The following PPP1R16B variants were observed in gnomAD, a reference collection of about 807,000 sequenced individuals.
PPP1R16B encodes the protein protein phosphatase 1 regulatory inhibitor subunit 16B.
In PPP1R16B, 14 loss-of-function variants were observed where a neutral mutation model predicts 61.7. That is an observed-to-expected ratio of 0.23 (90% CI 0.15 to 0.35). The LOEUF is 0.35. Among genes scored for constraint, PPP1R16B ranks in the 10% least tolerant of loss-of-function variants. The pLI is 1.00. For synonymous variants in PPP1R16B, 266 were observed against 305.3 expected (o/e 0.87, Z 1.34); for missense variants, 547 against 752.5 (o/e 0.73, Z 3.19).
chr20:38,830,102 G>A (rs2084828015), intron 1 of PPP1R16B, among the ~76,000 whole-genome samples: 1 of 152,198 alleles, frequency 6.6e-6, no homozygotes, highest in Non-Finnish European at 1.5e-5. Context: ...GCCACCCTGG[G>A]GCCCATGGAG....
At chr20:38,879,495 G>A (rs1431443368) in intron 2 of PPP1R16B, among the ~76,000 whole-genome samples, 2 of 152,144 alleles carry the variant, frequency 1.3e-5, no homozygotes, top group Non-Finnish European at 2.9e-5. Context: ...AAGATTAACT[G>A]CAGGCCTACT....
chr20:38,866,421 T>A (rs2085091014), intron 2 of PPP1R16B, among the ~76,000 whole-genome samples: 1 of 152,174 alleles, frequency 6.6e-6, no homozygotes, highest in African/African-American at 2.4e-5. Flanking sequence ...TCCTTTGCAA[T>A]GTGGATGACA....
chr20:38,910,491 A>G (rs1425869216), intron 10 of PPP1R16B, among the ~76,000 whole-genome samples: 2 of 149,772 alleles, frequency 1.3e-5, no homozygotes, highest in East Asian at 2.0e-4. Context: ...CTTTTTTTAC[A>G]TCTGTGAGAG....
intron 1 of PPP1R16B, among the ~76,000 whole-genome samples, chr20:38,813,279 A>G (rs988255383): frequency 3.9e-5 from 6 of 152,230 alleles, no homozygotes; most frequent in Non-Finnish European, 7.3e-5. Flanking sequence ...GAGTACTTTC[A>G]AAAACATGTA....
intron 2 of PPP1R16B, among the ~76,000 whole-genome samples, chr20:38,868,936 G>T (rs1568667822): frequency 6.6e-6 from 1 of 152,074 alleles, no homozygotes; most frequent in Non-Finnish European, 1.5e-5. Context: ...TTTTTTAAAT[G>T]TTGTTAACAA....
chr20:38,830,197 T>A (rs1007080088), intron 1 of PPP1R16B, among the ~76,000 whole-genome samples: 1 of 152,254 alleles, frequency 6.6e-6, no homozygotes, highest in African/African-American at 2.4e-5. Context: ...CTCCCATGTG[T>A]CTGTGCCATC....
chr20:38,823,488 A>C (rs2084785384), intron 1 of PPP1R16B, among the ~76,000 whole-genome samples: 1 of 152,142 alleles, frequency 6.6e-6, no homozygotes, highest in African/African-American at 2.4e-5. Flanking sequence ...TAAAAATACA[A>C]AAATTAGCTG....
intron 2 of PPP1R16B, among the ~76,000 whole-genome samples, chr20:38,884,470 A>G (rs556464676): frequency 6.6e-6 from 1 of 152,326 alleles, no homozygotes; most frequent in South Asian, 2.1e-4. Context: ...TACCTACTCA[A>G]TTCTGCTGTT....
chr20:38,907,986 G>A lies in PPP1R16B; in HGVS notation c.1029-42G>A, dbSNP rs1472916207. On this transcript the variant is annotated intron_variant, in intron 9 of 10. Transcript: ENST00000299824. This position sits in a 1 kb window ranked among gnomAD's most constrained non-coding sequence, Gnocchi z 4.5. ...AGTCCCTGTGTGTGCTCCTGCCTGT[G>A]GTGCCTGGGTGCAGCCTCTAGGACC... The A allele has an allele frequency of 1.9e-6, 3 of 1,613,844 alleles. No individual in the cohort carries two copies. The African/African-American group carries it at 4.0e-5, about 22-fold the overall frequency.
chr20:38,888,912 C>T (rs1019715451), intron 2 of PPP1R16B, among the ~76,000 whole-genome samples: 4 of 151,532 alleles, frequency 2.6e-5, no homozygotes, highest in African/African-American at 9.7e-5. Context: ...CACACACACA[C>T]ACACACACAC....
chr20:38,844,066 A>G lies in PPP1R16B; in HGVS notation c.250+7891A>G, dbSNP rs187951309. On this transcript the variant is annotated intron_variant, in intron 2 of 10. Coordinates refer to ENST00000299824, the MANE Select transcript of PPP1R16B (RefSeq NM_015568.4). Reference sequence around the variant, plus strand: ...ATCTGAAGCCATATCAATTTACATCAAAATCCATTGGTCTGTCTGGCATTT... The same window carrying G: ...ATCTGAAGCCATATCAATTTACATCGAAATCCATTGGTCTGTCTGGCATTT... Among the ~76,000 whole-genome samples the G allele has an allele frequency of 2.6e-5, 4 of 152,348 alleles. No individual in the cohort carries two copies. In the East Asian group the frequency reaches 7.7e-4, roughly 29 times the overall value.
chr20:38,805,803 C>T lies in PPP1R16B; in HGVS notation c.-102+11C>T, dbSNP rs1042764893. On this transcript the variant is annotated intron_variant, in intron 1 of 10. Transcript: ENST00000299824. ...GGCTCGGGAGAGCGGGTGAGTTCCC[C>T]GGCGGCGCCACCACCCTCCTTGCGC... 3 of 152,292 alleles carry T rather than the reference C, an allele frequency of 2.0e-5. No individual in the cohort carries two copies. The highest frequency in any genetic ancestry group is 2.0e-4 in the Admixed American group (3 of 15,288). 9.4% of individuals were successfully genotyped at this position (152,292 alleles called of 1,614,324 possible).
intron 2 of PPP1R16B, among the ~76,000 whole-genome samples, chr20:38,875,177 C>T (rs1331719346): frequency 3.9e-5 from 6 of 152,172 alleles, no homozygotes; most frequent in Admixed American, 1.3e-4. Flanking sequence ...GCAAATGGCT[C>T]CCAAGTCCCA....
At chr20:38,851,079 T>C (rs1254125951) in intron 2 of PPP1R16B, among the ~76,000 whole-genome samples, 2 of 152,006 alleles carry the variant, frequency 1.3e-5, no homozygotes, top group Non-Finnish European at 2.9e-5. Context: ...TGGGAATAGT[T>C]GTGCAACTGA....
At chr20:38,906,222 C>T in intron 7 of PPP1R16B, 128 bp downstream of exon 7, 1 of 827,848 alleles carries the variant, frequency 1.2e-6, no homozygotes, top group Non-Finnish European at 1.6e-6. Flanking sequence ...GAATATAGCT[C>T]ATATGTGGGA....
At chr20:38,902,880 G>A (rs1303431618) in intron 6 of PPP1R16B, 88 bp downstream of exon 6, 5 of 1,576,808 alleles carry the variant, frequency 3.2e-6, no homozygotes, top group Non-Finnish European at 3.5e-6. Context: ...TACCCTTGGG[G>A]CCTGTCTGTG....
In PPP1R16B at chr20:38,864,899, C is replaced by G. The variant is rs536678298; in HGVS notation, c.251-24696C>G. 7.2e-5 allele frequency among the ~76,000 whole-genome samples: 11 copies of G among 152,298 alleles called. No individual in the cohort carries two copies. In the East Asian group the frequency reaches 2.1e-3, roughly 29 times the overall value. ...CTCCTGGAGCTGGAGCTGCAGAAAT[C>G]GATTTGCAGACTGCCGGTTTCCACT... On this transcript the variant is annotated intron_variant, in intron 2 of 10. Transcript: ENST00000299824.
chr20:38,897,288 C>T (rs549208478), intron 4 of PPP1R16B, among the ~76,000 whole-genome samples: 1 of 152,322 alleles, frequency 6.6e-6, no homozygotes, highest in East Asian at 1.9e-4. Context: ...GATTGTACCA[C>T]TGCAATCCAC....
At chr20:38,834,157 C>A (rs141658661) in intron 1 of PPP1R16B, among the ~76,000 whole-genome samples, 190 of 152,310 alleles carry the variant, frequency 1.2e-3, no homozygotes, top group Non-Finnish European at 1.7e-3. Context: ...ATGTTTAGGG[C>A]CAGCTCTTTT....
Sources: allele counts gnomAD v4.1 joint callset (sites outside exome capture counted in the v4.1 genomes callset), GRCh38; gene constraint gnomAD v4.1.1; non-coding constraint Gnocchi (gnomAD v3.1); transcripts MANE v1.5; gene names NCBI Gene and HGNC (gene_info 2026-07-23, HGNC 2026-07-21).